The following SORT1 variants were observed in gnomAD, a reference collection of about 807,000 sequenced individuals.
The protein encoded by SORT1 is sortilin.
In SORT1, 39 loss-of-function variants were observed where a neutral mutation model predicts 101.7. That is an observed-to-expected ratio of 0.38 (90% CI 0.30 to 0.50). The LOEUF is 0.50. Among genes scored for constraint, SORT1 ranks in the 20% least tolerant of loss-of-function variants. SORT1 has a pLI of 0.90. For missense variants in SORT1, 878 were observed against 1,040.4 expected, an observed-to-expected ratio of 0.84 and a Z score of 2.15; for synonymous variants, 396 against 393.7, an observed-to-expected ratio of 1.01 and a Z score of -0.07.
chr1:109,323,204 A>G (rs1350111981), intron 14 of SORT1, 83 bp from the exon 15 acceptor site: 5 of 935,052 alleles, frequency 5.3e-6, no homozygotes, highest in Middle Eastern at 2.3e-4. Flanking sequence ...TAGGAAGAAC[A>G]AGGAGAGGGA....
chr1:109,323,452 G>A (rs766972061), intron 14 of SORT1, among the ~76,000 whole-genome samples: 5 of 152,186 alleles, frequency 3.3e-5, no homozygotes, highest in African/African-American at 9.7e-5. Flanking sequence ...GCACACCTAC[G>A]CCCTCAGTCA....
At chr1:109,390,925 C>A (rs1652883516) in intron 1 of SORT1, among the ~76,000 whole-genome samples, 1 of 152,018 alleles carries the variant, frequency 6.6e-6, no homozygotes, top group African/African-American at 2.4e-5. Context: ...ATAAATCAAG[C>A]CAATTAATCA....
At chr1:109,397,283 G>A (rs1329311312) in intron 1 of SORT1, 8 of 152,982 alleles carry the variant, frequency 5.2e-5, no homozygotes, top group African/African-American at 1.9e-4. Context: ...GCCTAACAGC[G>A]TTACTGGGTC....
At chr1:109,348,005 T>C (rs1360020041) in intron 6 of SORT1, among the ~76,000 whole-genome samples, 1 of 152,278 alleles carries the variant, frequency 6.6e-6, no homozygotes, top group Non-Finnish European at 1.5e-5. Context: ...CACAGCCACT[T>C]GGCATGCATT....
intron 3 of SORT1, among the ~76,000 whole-genome samples, chr1:109,365,896 G>A (rs541352568): frequency 7.9e-5 from 12 of 152,334 alleles, no homozygotes; most frequent in Middle Eastern, 6.8e-3. Flanking sequence ...TCACGGGGAA[G>A]AGAGGTTAGG....
At chr1:109,392,929 C>T in intron 1 of SORT1, 1 of 985,318 alleles carries the variant, frequency 1.0e-6, no homozygotes. Flanking sequence ...ATTAAATAAG[C>T]TAGACGGCTG....
Position 109,379,902 on chromosome 1 carries a change from A to T in SORT1, c.307-10313T>A, listed in dbSNP as rs183880756. Among the ~76,000 whole-genome samples, 170 of 152,322 alleles carry T rather than the reference A, an allele frequency of 1.1e-3. 3 individuals carry two copies. In the East Asian group the frequency reaches 0.03, roughly 27 times the overall value. ...GAAAAAAAATAAAATAAAAAGCTGA[A>T]TTCCTAACTCCCTTCTTAAAATGCC... On this transcript the variant is annotated intron_variant, in intron 1 of 19. Coordinates refer to ENST00000256637, the MANE Select transcript of SORT1 (RefSeq NM_002959.7).
intron 6 of SORT1, 125 bp downstream of exon 6, chr1:109,350,804 T>C: frequency 1.4e-6 from 1 of 711,534 alleles, no homozygotes; most frequent in South Asian, 1.7e-5. Context: ...CTCTCCAATA[T>C]CTCTTATGGC....
chr1:109,345,588 T>A (rs540939079), intron 8 of SORT1, among the ~76,000 whole-genome samples, 163 bp downstream of exon 8: 1 of 150,656 alleles, frequency 6.6e-6, no homozygotes, highest in South Asian at 2.1e-4. Flanking sequence ...GAGTAGCCTA[T>A]CAGTCAATCA....
At chr1:109,367,052 C>G (rs547172884) in intron 3 of SORT1, 2 of 171,288 alleles carry the variant, frequency 1.2e-5, no homozygotes, top group South Asian at 3.3e-4. Flanking sequence ...ATGGGGAAAC[C>G]CTGTCTCTAC....
chr1:109,347,244 A>G (rs1050091988), intron 7 of SORT1, among the ~76,000 whole-genome samples: 4 of 152,250 alleles, frequency 2.6e-5, no homozygotes, highest in Admixed American at 6.5e-5. Context: ...TTTGCTTTAC[A>G]TAAATACATT....
intron 11 of SORT1, among the ~76,000 whole-genome samples, chr1:109,329,101 C>A (rs1021827498): frequency 2.5e-4 from 38 of 152,298 alleles, no homozygotes; most frequent in Middle Eastern, 3.4e-3. Context: ...GTTGCCCCCC[C>A]AAGAATCTCT....
At chr1:109,352,005 T>TAC (rs1256974422) in intron 5 of SORT1, among the ~76,000 whole-genome samples, 1 of 134,052 alleles carries the variant, frequency 7.5e-6, no homozygotes, top group African/African-American at 2.7e-5. Flanking sequence ...TGTGTGTGTG[T>TAC]ACGCACGTGC....
At chr1:109,393,385 G>T in intron 1 of SORT1, 1 of 825,492 alleles carries the variant, frequency 1.2e-6, no homozygotes, top group Non-Finnish European at 1.5e-6. Context: ...TTGTCAAATG[G>T]TCTGTACACA....
chr1:109,365,275 G>A (rs1443648626), intron 3 of SORT1, among the ~76,000 whole-genome samples: 6 of 152,162 alleles, frequency 3.9e-5, no homozygotes, highest in Non-Finnish European at 8.8e-5. Context: ...CCAGCCTGGA[G>A]TGCAGTGATG....
At chr1:109,367,518 A>T (rs1557814585) in intron 2 of SORT1, 37 bp from the exon 3 acceptor site, 2 of 1,317,534 alleles carry the variant, frequency 1.5e-6, no homozygotes, top group Non-Finnish European at 2.2e-6. Context: ...AATAAAAAAG[A>T]TATTCCAATC....
chr1:109,365,969 T>C (rs1185740996), intron 3 of SORT1, among the ~76,000 whole-genome samples: 1 of 152,184 alleles, frequency 6.6e-6, no homozygotes, highest in Non-Finnish European at 1.5e-5. Context: ...AGCAGTCAAA[T>C]AAAGAACCTT....
chr1:109,379,292 G>A (rs2101643628), intron 1 of SORT1, among the ~76,000 whole-genome samples: 1 of 151,038 alleles, frequency 6.6e-6, no homozygotes, highest in South Asian at 2.1e-4. Flanking sequence ...ACTAACAATA[G>A]CTAATTAGCT....
chr1:109,351,965 GGTGTGTGT>G (rs10540637), intron 5 of SORT1, among the ~76,000 whole-genome samples: 2,091 of 146,802 alleles, frequency 0.014, 11 homozygotes, highest in Non-Finnish European at 0.018. Context: ...GAGAGGTAGG[GGTGTGTGT>G]GTGTGTGTGT....
Sources: gnomAD v4.1 joint callset for allele counts (sites outside exome capture counted in the v4.1 genomes callset) on GRCh38, gnomAD v4.1.1 for gene constraint, MANE v1.5 for transcripts, NCBI Gene and HGNC (gene_info 2026-07-23, HGNC 2026-07-21) for gene names.